Variants in SMARCA2 observed in about 807,000 individuals in gnomAD.
The protein encoded by SMARCA2 is SWI/SNF related BAF chromatin remodeling complex subunit ATPase 2.
In SMARCA2, 61 loss-of-function variants were observed where a neutral mutation model predicts 199.8. The ratio of observed to expected loss-of-function variants is 0.31; its 90% confidence interval spans 0.25 to 0.38. The LOEUF is 0.38. SMARCA2 is among the 10% of genes least tolerant of loss of function. SMARCA2 has a pLI of 1.00. For missense variants in SMARCA2, 1,344 were observed against 2,012.2 expected (o/e 0.67, Z 6.35); for synonymous variants, 935 against 732.0 (o/e 1.28, Z -4.48).
chr9:2,083,236 A>G (rs1280263061), intron 15 of SMARCA2, 111 bp from the exon 16 acceptor site: 3 of 616,712 alleles, frequency 4.9e-6, no homozygotes, highest in Non-Finnish European at 8.4e-6. Context: ...GATATGTTAT[A>G]TTCTGTAGCC....
chr9:2,026,731 TA>T (rs1286782202), intron 1 of SMARCA2, among the ~76,000 whole-genome samples: 3 of 152,166 alleles, frequency 2.0e-5, no homozygotes, highest in African/African-American at 7.2e-5. Flanking sequence ...TAAAAGGGTG[TA>T]TTAGTGTGCT....
At chr9:2,122,096 C>A (rs1241058022) in intron 26 of SMARCA2, among the ~76,000 whole-genome samples, 2 of 152,070 alleles carry the variant, frequency 1.3e-5, no homozygotes, top group Non-Finnish European at 2.9e-5. Flanking sequence ...CTTATGTAAT[C>A]GAATCTACCT....
intron 14 of SMARCA2, among the ~76,000 whole-genome samples, chr9:2,078,409 T>C (rs1586680973): frequency 6.6e-6 from 1 of 151,700 alleles, no homozygotes; most frequent in Non-Finnish European, 1.5e-5. Context: ...GAGGTGGAGG[T>C]TGCAGTGAGC....
chr9:2,058,603 G>A lies in SMARCA2; in HGVS notation c.1521+139G>A, dbSNP rs1277792223. On this transcript the variant is annotated intron_variant, in intron 8 of 33. Transcript: ENST00000349721. ...TTTAGTAAATTTCTTTGAACCTTAG[G>A]GAGATGAAGTAAAAACTTTTTCTCT... 4.2e-6 allele frequency: 3 copies of A among 713,940 alleles called. No individual in the cohort carries two copies. In the South Asian group the frequency reaches 5.8e-5, roughly 14 times the overall value. 44.2% of individuals were successfully genotyped at this position (713,940 alleles called of 1,614,324 possible).
intron 25 of SMARCA2, 89 bp downstream of exon 25, chr9:2,116,138 C>T: frequency 1.1e-6 from 1 of 950,696 alleles, no homozygotes. Flanking sequence ...TAAAAAACTT[C>T]CTGGGCTGGC....
intron 27 of SMARCA2, among the ~76,000 whole-genome samples, chr9:2,124,328 C>G (rs531763510): frequency 1.3e-5 from 2 of 152,274 alleles, no homozygotes; most frequent in East Asian, 3.9e-4. Flanking sequence ...TGTAATTGTT[C>G]CCCCTCATTT....
At chr9:2,075,607 G>T (rs199534673) in intron 12 of SMARCA2, among the ~76,000 whole-genome samples, 2 of 152,314 alleles carry the variant, frequency 1.3e-5, no homozygotes, top group East Asian at 3.9e-4. Flanking sequence ...CATATATGGG[G>T]CCATCCAAGT....
chr9:2,103,581 T>C (rs1019583377), intron 22 of SMARCA2, among the ~76,000 whole-genome samples: 1 of 151,804 alleles, frequency 6.6e-6, no homozygotes, highest in Admixed American at 6.6e-5. Flanking sequence ...ATTAAAAATT[T>C]AAAAAGTTAT....
rs1469725178 is a variant in SMARCA2, at chr9:2,016,770, T to C, written c.-37+1366T>C. 6.6e-6 allele frequency among the ~76,000 whole-genome samples: 1 copy of C among 152,152 alleles called. No homozygotes were observed. Among genetic ancestry groups the C allele is most frequent in the Admixed American group, 6.5e-5 (1 of 15,280 alleles). ...TCCTTCTCGCTCCCTGCTCAGGAGT[T>C]TGCTTTATTCCCATCCCAACCTGGT... On this transcript the variant is annotated intron_variant, in intron 1 of 33. Transcript: ENST00000349721. This position sits in a 1 kb window ranked among gnomAD's most constrained non-coding sequence, Gnocchi z 5.6.
rs537264568 is a variant in SMARCA2, at chr9:2,064,969, A to G, written c.1692+3983A>G. On this transcript the variant is annotated intron_variant, in intron 9 of 33. Coordinates refer to ENST00000349721, the MANE Select transcript of SMARCA2 (RefSeq NM_003070.5). ...GGAGGCCGAGGCGGGCGGATCACGA[A>G]GTCAGGAGATCGAGACCATCCTGGC... is the stretch of plus-strand genomic sequence containing the variant. 9.3e-4 allele frequency among the ~76,000 whole-genome samples: 141 copies of G among 152,260 alleles called. No individual in the cohort carries two copies. The Middle Eastern group carries it at 0.01, about 11-fold the overall frequency.
intron 24 of SMARCA2, among the ~76,000 whole-genome samples, chr9:2,112,966 C>G (rs1563776491): frequency 1.3e-5 from 2 of 152,190 alleles, no homozygotes; most frequent in African/African-American, 2.4e-5. Flanking sequence ...ATCATTCACA[C>G]CCATGTCTGT....
chr9:2,116,694 T>C (rs928636183), intron 25 of SMARCA2, among the ~76,000 whole-genome samples: 24 of 152,274 alleles, frequency 1.6e-4, no homozygotes, highest in Admixed American at 1.6e-3. Context: ...TTGTCATTTG[T>C]ATTATTTTTA....
chr9:2,134,815 C>T (rs975109345), intron 27 of SMARCA2, among the ~76,000 whole-genome samples: 4 of 152,046 alleles, frequency 2.6e-5, no homozygotes, highest in Non-Finnish European at 5.9e-5. Flanking sequence ...CTAGAGAGCC[C>T]CCTAGGTCTT....
chr9:2,060,705 G>C (rs1346906129), intron 8 of SMARCA2, 111 bp from the exon 9 acceptor site: 34 of 962,802 alleles, frequency 3.5e-5, no homozygotes, highest in Non-Finnish European at 5.3e-5. Flanking sequence ...CATCCAGTTT[G>C]CTACACTCCT....
At chr9:2,186,448 A>G (rs371407624) in intron 32 of SMARCA2, among the ~76,000 whole-genome samples, 1 of 152,218 alleles carries the variant, frequency 6.6e-6, no homozygotes, top group African/African-American at 2.4e-5. Context: ...ACCTCCAAGC[A>G]TGTAAAATGT....
intron 33 of SMARCA2, chr9:2,192,485 G>T: frequency 1.7e-6 from 1 of 584,866 alleles, no homozygotes; most frequent in Non-Finnish European, 3.0e-6. Context: ...ATAGCTTAGA[G>T]GGTGGGCTTT....
chr9:2,032,842 G>A, intron 2 of SMARCA2, 110 bp from the exon 3 acceptor site: 1 of 921,718 alleles, frequency 1.1e-6, no homozygotes, highest in Non-Finnish European at 1.6e-6. Context: ...AGAATGGGTA[G>A]TAGATGATAG....
intron 27 of SMARCA2, among the ~76,000 whole-genome samples, chr9:2,142,364 CAA>C (rs1012463962): frequency 1.4e-4 from 21 of 152,158 alleles, no homozygotes; most frequent in African/African-American, 5.1e-4. Flanking sequence ...TTGGTTGTTT[CAA>C]AGTTAATTTT....
intron 10 of SMARCA2, 70 bp from the exon 11 acceptor site, chr9:2,073,142 G>A: frequency 1.9e-6 from 3 of 1,556,846 alleles, no homozygotes; most frequent in Non-Finnish European, 2.6e-6. Flanking sequence ...AAACTGCTGA[G>A]AAACGTCCAG....
Sources: gnomAD v4.1 joint callset for allele counts (sites outside exome capture counted in the v4.1 genomes callset) on GRCh38, gnomAD v4.1.1 for gene constraint, Gnocchi (gnomAD v3.1) non-coding constraint, MANE v1.5 for transcripts, NCBI Gene and HGNC (gene_info 2026-07-23, HGNC 2026-07-21) for gene names.